Variants in PHF21A observed in about 807,000 individuals in gnomAD.
PHF21A encodes PHD finger protein 21A.
In PHF21A, 11 loss-of-function variants were observed where a neutral mutation model predicts 82.5. The observed-to-expected ratio is 0.13, with a 90% CI of 0.08 to 0.22. The LOEUF is 0.22. Among genes scored for constraint, PHF21A ranks in the 10% least tolerant of loss-of-function variants. The probability of loss-of-function intolerance (pLI) is 1.00; values close to 1 mark genes in which losing one functional copy is unlikely to be tolerated. For missense variants in PHF21A, 579 were observed against 837.8 expected (o/e 0.69, Z 3.81); for synonymous variants, 297 against 302.8 (o/e 0.98, Z 0.20).
At chr11:46,075,044 G>C (rs1052193056) in intron 6 of PHF21A, among the ~76,000 whole-genome samples, 1 of 152,126 alleles carries the variant, frequency 6.6e-6, no homozygotes, top group African/African-American at 2.4e-5. Flanking sequence ...CCTGATGTTA[G>C]ACATTTTTTA....
chr11:46,119,634 CACAG>C (rs1852443809), intron 1 of PHF21A: 1 of 151,932 alleles, frequency 6.6e-6, no homozygotes, highest in African/African-American at 2.4e-5. Context: ...GGGTGCAAGC[CACAG>C]ACAAAGTTGA....
At chr11:45,969,111 C>T (rs1354587708) in intron 9 of PHF21A, among the ~76,000 whole-genome samples, 1 of 152,172 alleles carries the variant, frequency 6.6e-6, no homozygotes, top group East Asian at 1.9e-4. Context: ...CTACTGACCA[C>T]AAAACTCCTT....
chr11:45,942,068 G>A (rs1185483957), intron 15 of PHF21A, among the ~76,000 whole-genome samples: 1 of 152,158 alleles, frequency 6.6e-6, no homozygotes, highest in African/African-American at 2.4e-5. Context: ...AACATACAGA[G>A]ACCTGTGTGT....
chr11:46,033,412 GCAC>G (rs971086536), intron 6 of PHF21A, among the ~76,000 whole-genome samples: 7 of 152,062 alleles, frequency 4.6e-5, no homozygotes, highest in East Asian at 1.9e-4. Context: ...CCACAGGTGT[GCAC>G]CACCACATCT....
intron 6 of PHF21A, among the ~76,000 whole-genome samples, chr11:46,060,712 A>T (rs1010800269): frequency 1.3e-5 from 2 of 152,144 alleles, no homozygotes; most frequent in East Asian, 3.9e-4. Flanking sequence ...TAGATGCTGG[A>T]TATTAGACCT....
At chr11:45,937,621 C>T (rs1349056837) in intron 16 of PHF21A, among the ~76,000 whole-genome samples, 2 of 152,170 alleles carry the variant, frequency 1.3e-5, no homozygotes, top group Non-Finnish European at 2.9e-5. Context: ...GCTGGGATTA[C>T]AGGCGCCTGC....
chr11:45,972,042 A>G (rs1259365421), intron 7 of PHF21A, among the ~76,000 whole-genome samples: 1 of 151,392 alleles, frequency 6.6e-6, no homozygotes. Context: ...TATAGTAAAT[A>G]CCAGTTCTTG....
chr11:46,047,583 T>G (rs1482977306), intron 6 of PHF21A, among the ~76,000 whole-genome samples: 1 of 152,330 alleles, frequency 6.6e-6, no homozygotes, highest in South Asian at 2.1e-4. Context: ...CTAGTCACAT[T>G]CAAGAACTGA....
chr11:46,006,145 T>C (rs958740228), intron 6 of PHF21A, among the ~76,000 whole-genome samples: 1 of 152,204 alleles, frequency 6.6e-6, no homozygotes, highest in East Asian at 1.9e-4. Flanking sequence ...AACTGACAAG[T>C]AGATCACTGT....
chr11:46,062,308 T>C (rs1414168086), intron 6 of PHF21A, among the ~76,000 whole-genome samples: 1 of 152,134 alleles, frequency 6.6e-6, no homozygotes, highest in Non-Finnish European at 1.5e-5. Flanking sequence ...ATTTTCTCTG[T>C]TCCCTTGTCT....
intron 3 of PHF21A, among the ~76,000 whole-genome samples, 171 bp downstream of exon 3, chr11:46,090,284 C>T (rs1399833184): frequency 6.6e-6 from 1 of 152,044 alleles, no homozygotes; most frequent in Non-Finnish European, 1.5e-5. Context: ...CAAGCCTGGC[C>T]AGAATCTTAC....
intron 6 of PHF21A, among the ~76,000 whole-genome samples, chr11:45,987,914 T>G (rs995840715): frequency 2.0e-5 from 3 of 152,140 alleles, no homozygotes; most frequent in African/African-American, 7.2e-5. Context: ...ACTACAGAAA[T>G]TCTCCCATTC....
intron 6 of PHF21A, among the ~76,000 whole-genome samples, chr11:46,036,356 C>A (rs1481024826): frequency 6.6e-6 from 1 of 152,194 alleles, no homozygotes; most frequent in Non-Finnish European, 1.5e-5. Context: ...CAGTGGGCAG[C>A]TGGGCTAGAA....
At position 45,935,741 on chromosome 11, in the gene PHF21A, T is replaced by TAA. The variant is rs35995547; in HGVS notation, c.1685-4_1685-3dup. On this transcript the variant is annotated splice_region_variant and splice_polypyrimidine_tract_variant and intron_variant, in intron 17 of 18. Transcript: ENST00000676320. ...ACTTCTGTTTCTCTTCTTCTTTTGC[T>TAA]AAAAAAAAAAAAAAAAAAAAAAAGG... 1.7e-3 allele frequency: 913 copies of TAA among 522,784 alleles called. 1 individual carries two copies. The highest frequency in any genetic ancestry group is 9.1e-3 in the African/African-American group (356 of 39,186). The allele number at this position is 522,784 out of a possible 1,614,324, so 32.4% of individuals were successfully genotyped here.
At chr11:45,943,573 A>G (rs957401569) in intron 15 of PHF21A, among the ~76,000 whole-genome samples, 8 of 152,166 alleles carry the variant, frequency 5.3e-5, no homozygotes, top group African/African-American at 1.7e-4. Flanking sequence ...TCTTCTGCAT[A>G]TTTTAGACAC....
At position 45,934,059 on chromosome 11, in the gene PHF21A, G is replaced by A; in HGVS notation, c.1955C>T (p.Pro652Leu). 2.5e-6 allele frequency: 4 copies of A among 1,613,976 alleles called. No homozygotes were observed. The highest frequency in any genetic ancestry group is 2.5e-6 in the Non-Finnish European group (3 of 1,179,920). ...CGTGGAGGTGGCGGCATTGGCAGGG[G>A]GGGTGCAGTCCGGGCCATTGGAGAT... ...GAISNGPDCT[P>L]PANAATSTPA... is the part of the protein sequence containing the mutation. The change falls in exon 19 of 19, where the codon CCC (proline) becomes CTC (leucine). Residue 652 changes from proline to leucine, a missense_variant. Pro to Leu is a moderately conservative substitution (Grantham distance 98). Transcript: ENST00000676320.
chr11:45,940,858 T>C (rs1258178276), intron 15 of PHF21A, among the ~76,000 whole-genome samples: 1 of 152,194 alleles, frequency 6.6e-6, no homozygotes, highest in Non-Finnish European at 1.5e-5. Flanking sequence ...GGACTTGGGA[T>C]AAACGAAGAG....
intron 7 of PHF21A, among the ~76,000 whole-genome samples, chr11:45,975,600 C>G (rs1268521557): frequency 6.6e-6 from 1 of 152,112 alleles, no homozygotes; most frequent in African/African-American, 2.4e-5. Flanking sequence ...CTGCTTTCTT[C>G]TTTACATTTG....
intron 6 of PHF21A, among the ~76,000 whole-genome samples, chr11:46,023,630 C>A (rs965495350): frequency 1.3e-5 from 2 of 152,138 alleles, no homozygotes; most frequent in African/African-American, 4.8e-5. Context: ...CTAAAGGATT[C>A]TTTATCCTCA....
Sources: gnomAD v4.1 joint callset for allele counts (sites outside exome capture counted in the v4.1 genomes callset) on GRCh38, gnomAD v4.1.1 for gene constraint, MANE v1.5 for transcripts, NCBI Gene and HGNC (gene_info 2026-07-23, HGNC 2026-07-21) for gene names.